ZNF385D: variants seen among roughly 807,000 people sequenced by gnomAD.
ZNF385D encodes the protein zinc finger protein 659.
In ZNF385D, 15 loss-of-function variants were observed where a neutral mutation model predicts 35.8. The observed-to-expected ratio is 0.42, with a 90% confidence interval of 0.28 to 0.64. ZNF385D has a LOEUF of 0.64. Among genes scored for constraint, ZNF385D ranks in the 30% least tolerant of loss-of-function variants. The pLI is 0.23. For synonymous variants in ZNF385D, 212 were observed against 186.8 expected, an observed-to-expected ratio of 1.13 and a Z score of -1.10; for missense variants, 474 against 494.6, an observed-to-expected ratio of 0.96 and a Z score of 0.39.
At chr3:21,599,891 C>T (rs2125757830) in intron 2 of ZNF385D, among the ~76,000 whole-genome samples, 1 of 152,304 alleles carries the variant, frequency 6.6e-6, no homozygotes, top group South Asian at 2.1e-4. Context: ...TACTGGGCTG[C>T]ATTCCCAGAT....
At chr3:22,340,738 T>C (rs1036522057) in intron 2 of ZNF385D, among the ~76,000 whole-genome samples, 1 of 152,172 alleles carries the variant, frequency 6.6e-6, no homozygotes, top group African/African-American at 2.4e-5. Context: ...TAGTGTCTCC[T>C]TACATTCACA....
chr3:21,801,711 T>C (rs1228283284), intron 3 of ZNF385D, among the ~76,000 whole-genome samples: 2 of 152,150 alleles, frequency 1.3e-5, no homozygotes, highest in Non-Finnish European at 2.9e-5. Flanking sequence ...CTGCAGCCCC[T>C]GGGTGCCCAC....
At chr3:21,535,802 G>C (rs1243626028) in intron 3 of ZNF385D, among the ~76,000 whole-genome samples, 1 of 151,712 alleles carries the variant, frequency 6.6e-6, no homozygotes, top group Admixed American at 6.6e-5. Flanking sequence ...CCTCCACAAA[G>C]GGAAAAACAA....
At chr3:21,542,055 ATTT>A (rs1002058928) in intron 3 of ZNF385D, among the ~76,000 whole-genome samples, 1 of 152,010 alleles carries the variant, frequency 6.6e-6, no homozygotes, top group African/African-American at 2.4e-5. Flanking sequence ...GACAATAGTA[ATTT>A]TTTTTCAAAT....
intron 2 of ZNF385D, among the ~76,000 whole-genome samples, chr3:22,183,949 G>GTTAAGAT (rs1695458836): frequency 6.6e-6 from 1 of 151,790 alleles, no homozygotes; most frequent in Non-Finnish European, 1.5e-5. Context: ...TTTTATTTAG[G>GTTAAGAT]TTAAGATTTA....
chr3:21,683,384 C>T (rs189794137), intron 1 of ZNF385D, among the ~76,000 whole-genome samples: 3 of 149,460 alleles, frequency 2.0e-5, no homozygotes, highest in Non-Finnish European at 3.0e-5. Context: ...TTTGGGAGGC[C>T]GAGTTGGGTG....
chr3:21,768,483 A>G (rs1442059942), intron 3 of ZNF385D, among the ~76,000 whole-genome samples: 1 of 151,942 alleles, frequency 6.6e-6, no homozygotes, highest in East Asian at 1.9e-4. Flanking sequence ...GAAGGCTTCA[A>G]ACTTCCAGGA....
chr3:22,301,471 T>A (rs183384585), intron 2 of ZNF385D, among the ~76,000 whole-genome samples: 1 of 152,056 alleles, frequency 6.6e-6, no homozygotes, highest in Non-Finnish European at 1.5e-5. Context: ...TAATGCATAT[T>A]TGATCAGATT....
intron 2 of ZNF385D, among the ~76,000 whole-genome samples, chr3:22,304,847 T>A (rs1315219334): frequency 6.6e-6 from 1 of 152,150 alleles, no homozygotes; most frequent in Non-Finnish European, 1.5e-5. Flanking sequence ...TCAATTAATG[T>A]CTCCTTTAGC....
intron 3 of ZNF385D, among the ~76,000 whole-genome samples, chr3:22,154,786 A>G (rs566980853): frequency 2.0e-5 from 3 of 152,326 alleles, no homozygotes; most frequent in Non-Finnish European, 4.4e-5. Context: ...GTAATGCAGG[A>G]ATACTTCAGA....
chr3:21,857,585 C>T (rs956356612), intron 3 of ZNF385D, among the ~76,000 whole-genome samples: 9 of 151,836 alleles, frequency 5.9e-5, no homozygotes, highest in African/African-American at 2.2e-4. Context: ...CTAAAGAAGT[C>T]CTGGAGCTCA....
At chr3:21,971,064 A>G (rs1462315595) in intron 3 of ZNF385D, among the ~76,000 whole-genome samples, 1 of 152,190 alleles carries the variant, frequency 6.6e-6, no homozygotes, top group Non-Finnish European at 1.5e-5. Flanking sequence ...AAGAAATACT[A>G]AAGGGAGCTC....
chr3:21,822,355 A>C (rs1023706991), intron 3 of ZNF385D, among the ~76,000 whole-genome samples: 1 of 152,168 alleles, frequency 6.6e-6, no homozygotes, highest in Non-Finnish European at 1.5e-5. Context: ...TACAGGTGTG[A>C]ATCACCGCGC....
chr3:22,114,195 T>C (rs1023128606), intron 3 of ZNF385D, among the ~76,000 whole-genome samples: 1 of 152,082 alleles, frequency 6.6e-6, no homozygotes, highest in African/African-American at 2.4e-5. Context: ...TTATTATTGT[T>C]TGTATGCTTA....
intron 2 of ZNF385D, among the ~76,000 whole-genome samples, chr3:22,344,501 T>C (rs1462115020): frequency 6.6e-6 from 1 of 152,158 alleles, no homozygotes; most frequent in East Asian, 1.9e-4. Flanking sequence ...GTGATTCTCC[T>C]GCCTCAGCCT....
At chr3:21,710,983 T>C (rs2068077726) in intron 1 of ZNF385D, among the ~76,000 whole-genome samples, 1 of 151,508 alleles carries the variant, frequency 6.6e-6, no homozygotes, top group Non-Finnish European at 1.5e-5. Flanking sequence ...CGATGTGACT[T>C]TTGTCTTTGA....
intron 2 of ZNF385D, among the ~76,000 whole-genome samples, chr3:22,367,903 G>A (rs1339207253): frequency 6.6e-6 from 1 of 152,104 alleles, no homozygotes; most frequent in African/African-American, 2.4e-5. Flanking sequence ...CTAACACTGT[G>A]GCATAATAAC....
rs1041684524 is a variant in ZNF385D, at chr3:21,650,130, T to C, written c.165+14756A>G. Among the ~76,000 whole-genome samples the C allele has an allele frequency of 3.3e-5, 5 of 152,188 alleles. No individual in the cohort carries two copies. In the East Asian group the frequency reaches 9.6e-4, roughly 29 times the overall value. On this transcript the variant is annotated intron_variant, in intron 2 of 7. Transcript: ENST00000281523. ...GCAGGTATCCTGGAATCCTAGTATT[T>C]CAAAAACTGAAGATATGGAAAATGT...
intron 4 of ZNF385D, among the ~76,000 whole-genome samples, chr3:21,508,625 A>C (rs1445407139): frequency 6.6e-6 from 1 of 152,186 alleles, no homozygotes; most frequent in East Asian, 1.9e-4. Context: ...AAAATGTTAA[A>C]TATACCTTTC....
Sources: allele counts gnomAD v4.1 joint callset (sites outside exome capture counted in the v4.1 genomes callset), GRCh38; gene constraint gnomAD v4.1.1; transcripts MANE v1.5; gene names NCBI Gene and HGNC (gene_info 2026-07-23, HGNC 2026-07-21).